The following PDE4B variants were observed in gnomAD, a reference collection of about 807,000 sequenced individuals.
The protein encoded by PDE4B is 3',5'-cyclic-AMP phosphodiesterase 4B.
A neutral mutation model predicts 82.2 loss-of-function variants in PDE4B; 20 were observed. The observed-to-expected ratio is 0.24, with a 90% CI of 0.17 to 0.35. The LOEUF (loss-of-function observed/expected upper bound fraction) is 0.35, where lower values mean the gene tolerates loss of function less well. Among genes scored for constraint, PDE4B ranks in the 10% least tolerant of loss-of-function variants. The probability of loss-of-function intolerance (pLI) is 1.00; values close to 1 mark genes in which losing one functional copy is unlikely to be tolerated. For missense variants in PDE4B, 655 were observed against 907.2 expected, an observed-to-expected ratio of 0.72 and a Z score of 3.57; for synonymous variants, 320 against 318.9, an observed-to-expected ratio of 1.00 and a Z score of -0.04.
rs569147878 is a variant in PDE4B at position 65,860,469 on chromosome 1, G to A, written c.-70-52776G>A. ...CACTGATGGGCATTTGGGTTGGTTC[G>A]AAGTCTTTGCTATTGTGAACAGTGC... On this transcript the variant is annotated intron_variant, in intron 1 of 16. Transcript: ENST00000341517. Among the ~76,000 whole-genome samples, 12 of 152,134 alleles carry A rather than the reference G, an allele frequency of 7.9e-5. No individual in the cohort carries two copies. The East Asian group carries it at 1.2e-3, about 15-fold the overall frequency.
intron 1 of PDE4B, among the ~76,000 whole-genome samples, chr1:65,865,363 C>T (rs1430708851): frequency 2.0e-5 from 3 of 152,164 alleles, no homozygotes; most frequent in East Asian, 3.9e-4. Context: ...TCCCTGTCTT[C>T]AGCCCCCTTT....
chr1:66,119,246 A>C (rs1236324471), intron 3 of PDE4B, among the ~76,000 whole-genome samples: 1 of 152,200 alleles, frequency 6.6e-6, no homozygotes, highest in Non-Finnish European at 1.5e-5. Flanking sequence ...TGCTTTCGGA[A>C]GACCTCTTTA....
At chr1:66,101,956 A>G (rs1454483168) in intron 3 of PDE4B, among the ~76,000 whole-genome samples, 1 of 152,150 alleles carries the variant, frequency 6.6e-6, no homozygotes, top group Admixed American at 6.6e-5. Flanking sequence ...TAGAGTTTTT[A>G]TGCTTTTAGT....
intron 3 of PDE4B, among the ~76,000 whole-genome samples, chr1:66,228,225 C>T (rs1651616191): frequency 6.6e-6 from 1 of 152,130 alleles, no homozygotes; most frequent in Non-Finnish European, 1.5e-5. Context: ...CTTCCTTTAC[C>T]CCGGCTCATT....
chr1:65,914,263 T>A (rs1399042710), intron 2 of PDE4B, among the ~76,000 whole-genome samples: 1 of 152,204 alleles, frequency 6.6e-6, no homozygotes, highest in Non-Finnish European at 1.5e-5. Context: ...TAGCAAAGCC[T>A]TTGGCAAGAA....
In PDE4B at chr1:66,293,369, C is replaced by T. The variant is rs536106383; in HGVS notation, c.634+27282C>T. 3.6e-4 allele frequency among the ~76,000 whole-genome samples: 55 copies of T among 152,234 alleles called. 1 individual carries two copies. The highest frequency in any genetic ancestry group is 1.3e-3 in the African/African-American group (53 of 41,530). On this transcript the variant is annotated intron_variant, in intron 7 of 16. Transcript: ENST00000341517. ...AAATATTTGCCGTGGTATTGTAGCT[C>T]GATGACTTATTTTTTGTCATTCACT...
intron 1 of PDE4B, among the ~76,000 whole-genome samples, chr1:65,867,891 C>T (rs1294840252): frequency 6.6e-6 from 1 of 152,200 alleles, no homozygotes; most frequent in African/African-American, 2.4e-5. Flanking sequence ...CATCTGTTCT[C>T]TCTAAAAATC....
At chr1:66,145,483 A>G (rs1646251058) in intron 3 of PDE4B, among the ~76,000 whole-genome samples, 1 of 152,192 alleles carries the variant, frequency 6.6e-6, no homozygotes, top group Non-Finnish European at 1.5e-5. Context: ...GTTCCCAGGT[A>G]TATAACTGAC....
At chr1:66,336,304 C>T (rs1660511669) in intron 8 of PDE4B, among the ~76,000 whole-genome samples, 1 of 152,160 alleles carries the variant, frequency 6.6e-6, no homozygotes, top group Non-Finnish European at 1.5e-5. Context: ...CCAGAACAAT[C>T]CCAGGGAGGC....
chr1:66,152,422 A>G (rs1458723178), intron 3 of PDE4B: 1 of 225,406 alleles, frequency 4.4e-6, no homozygotes, highest in Non-Finnish European at 1.0e-5. Context: ...GGGTGGCAGC[A>G]CTGGCTGTGG....
chr1:66,191,341 T>G (rs966355416), intron 3 of PDE4B, among the ~76,000 whole-genome samples: 1 of 152,238 alleles, frequency 6.6e-6, no homozygotes, highest in Non-Finnish European at 1.5e-5. Context: ...GCATCTTCTT[T>G]GAGGTTATTT....
intron 1 of PDE4B, among the ~76,000 whole-genome samples, chr1:65,877,363 C>T (rs1211436758): frequency 6.6e-6 from 1 of 152,116 alleles, no homozygotes; most frequent in African/African-American, 2.4e-5. Flanking sequence ...CGCCTGTAAT[C>T]CCAGCACTTT....
chr1:65,940,151 A>G (rs534901044), intron 3 of PDE4B, among the ~76,000 whole-genome samples: 15 of 152,288 alleles, frequency 9.8e-5, no homozygotes, highest in African/African-American at 3.6e-4. Flanking sequence ...TTTGATTGAT[A>G]CACAAATAAT....
chr1:65,933,340 A>G (rs1002675742), intron 3 of PDE4B, among the ~76,000 whole-genome samples: 1 of 152,094 alleles, frequency 6.6e-6, no homozygotes, highest in African/African-American at 2.4e-5. Context: ...AAACCTGCCA[A>G]TGAAAAATAC....
rs72931353 is a variant in PDE4B at position 65,793,103 on chromosome 1, C to A, written c.-216C>A. 9,399 of 152,074 alleles carry A rather than the reference C, an allele frequency of 0.062. 672 individuals carry two copies. The highest frequency in any genetic ancestry group is 0.16 in the African/African-American group (6,743 of 41,474). The allele number at this position is 152,074 out of a possible 1,614,324, so 9.4% of individuals were successfully genotyped here. ...GCCCTCCGGGCAGACTTTCGTCCCC[C>A]ACCCCCGGGAGCGCGGAAGGCTCAC... On this transcript the variant is annotated 5_prime_UTR_variant, in exon 1 of 17. Transcript: ENST00000341517.
At chr1:66,262,062 A>T (rs907595774) in intron 6 of PDE4B, among the ~76,000 whole-genome samples, 1 of 152,190 alleles carries the variant, frequency 6.6e-6, no homozygotes, top group Non-Finnish European at 1.5e-5. Flanking sequence ...CTTTGTATTA[A>T]CATTCTTCCA....
At chr1:65,989,855 A>G (rs1320054993) in intron 3 of PDE4B, among the ~76,000 whole-genome samples, 1 of 146,386 alleles carries the variant, frequency 6.8e-6, no homozygotes. Flanking sequence ...CCTATCTTGT[A>G]GGCTCATCTT....
At chr1:66,108,614 AT>A (rs1485116923) in intron 3 of PDE4B, among the ~76,000 whole-genome samples, 3 of 151,948 alleles carry the variant, frequency 2.0e-5, no homozygotes, top group South Asian at 2.1e-4. Context: ...AAACAATCCA[AT>A]TTTTTAAATG....
chr1:66,202,952 T>G (rs1254507500), intron 3 of PDE4B, among the ~76,000 whole-genome samples: 1 of 151,892 alleles, frequency 6.6e-6, no homozygotes, highest in Non-Finnish European at 1.5e-5. Context: ...TTGATGGTCT[T>G]TATAATTTGG....
Sources: allele counts gnomAD v4.1 joint callset (sites outside exome capture counted in the v4.1 genomes callset), GRCh38; gene constraint gnomAD v4.1.1; transcripts MANE v1.5; gene names NCBI Gene and HGNC (gene_info 2026-07-23, HGNC 2026-07-21).